Variants in DGKB observed in about 807,000 individuals in gnomAD.
DGKB encodes diacylglycerol kinase beta.
Under a neutral mutation model 114.3 loss-of-function variants are expected in DGKB, and 67 were observed. That is an observed-to-expected ratio of 0.59 (90% CI 0.48 to 0.72). The LOEUF is 0.72. Among genes scored for constraint, DGKB ranks in the 30% least tolerant of loss-of-function variants. The pLI is 0.00. For synonymous variants in DGKB, 398 were observed against 323.1 expected (o/e 1.23, Z -2.49); for missense variants, 907 against 975.2 (o/e 0.93, Z 0.93).
At chr7:14,306,319 T>TA (rs1430234278) in intron 23 of DGKB, among the ~76,000 whole-genome samples, 6 of 151,894 alleles carry the variant, frequency 4.0e-5, no homozygotes, top group Non-Finnish European at 5.9e-5. Flanking sequence ...AGGAACAAAA[T>TA]AAAAAAACAT....
intron 2 of DGKB, among the ~76,000 whole-genome samples, chr7:14,794,613 T>C (rs954564129): frequency 6.6e-6 from 1 of 152,146 alleles, no homozygotes; most frequent in Non-Finnish European, 1.5e-5. Context: ...CTCCTAGAGC[T>C]GCAGGACTGA....
intron 1 of DGKB, among the ~76,000 whole-genome samples, chr7:14,962,630 G>C (rs1022376291): frequency 7.1e-6 from 1 of 140,164 alleles, no homozygotes; most frequent in African/African-American, 2.8e-5. Context: ...GTGTGTGTGT[G>C]TGTGTTTGTG....
chr7:14,338,022 C>G (rs1184804839), intron 23 of DGKB, among the ~76,000 whole-genome samples: 1 of 151,950 alleles, frequency 6.6e-6, no homozygotes, highest in Non-Finnish European at 1.5e-5. Context: ...AGCAGACAAC[C>G]AAAATTTATC....
intron 23 of DGKB, among the ~76,000 whole-genome samples, chr7:14,232,304 A>G (rs886291431): frequency 6.6e-6 from 1 of 151,698 alleles, no homozygotes; most frequent in African/African-American, 2.4e-5. Context: ...TTTAGAATCC[A>G]TATGTCTTTT....
chr7:14,753,850 A>G (rs1834465487), intron 4 of DGKB, 78 bp downstream of exon 4: 2 of 897,282 alleles, frequency 2.2e-6, no homozygotes, highest in South Asian at 2.9e-5. Flanking sequence ...TAGTTCAGTG[A>G]TATGGATGAG....
At chr7:14,548,712 G>A (rs2128636127) in intron 20 of DGKB, among the ~76,000 whole-genome samples, 1 of 152,268 alleles carries the variant, frequency 6.6e-6, no homozygotes, top group South Asian at 2.1e-4. Context: ...CTGGAGCCAT[G>A]ACTAGCTATG....
chr7:14,149,339 A>G (rs1358844432), intron 25 of DGKB, 101 bp from the exon 26 acceptor site: 1 of 791,810 alleles, frequency 1.3e-6, no homozygotes, highest in Non-Finnish European at 2.0e-6. Context: ...ATAATATTTC[A>G]TGAGTGACTG....
intron 1 of DGKB, among the ~76,000 whole-genome samples, chr7:14,918,693 C>T (rs147109399): frequency 6.6e-6 from 1 of 152,048 alleles, no homozygotes; most frequent in Non-Finnish European, 1.5e-5. Context: ...ATCTATATGT[C>T]AACTTGATCT....
chr7:14,615,260 G>A (rs1349083260), intron 15 of DGKB, among the ~76,000 whole-genome samples: 2 of 151,890 alleles, frequency 1.3e-5, no homozygotes, highest in African/African-American at 4.8e-5. Context: ...ATTAGGATGA[G>A]TTTTCCTTTT....
chr7:14,291,395 G>C lies in DGKB; in HGVS notation c.2122+47120C>G, dbSNP rs145630297. Among the ~76,000 whole-genome samples the C allele has an allele frequency of 3.1e-3, 475 of 152,212 alleles. 2 individuals are homozygous for C. The highest frequency in any genetic ancestry group is 0.011 in the African/African-American group (455 of 41,544). On this transcript the variant is annotated intron_variant, in intron 23 of 25. Transcript: ENST00000402815. The stretch of plus-strand genomic sequence containing the variant: ...AAGGGATTTCTTCATTTTTGACCCA[G>C]ATATAGGAAAGAATTTTATTTATGC...
At chr7:14,899,449 C>G (rs1393768957) in intron 1 of DGKB, among the ~76,000 whole-genome samples, 1 of 152,092 alleles carries the variant, frequency 6.6e-6, no homozygotes, top group Non-Finnish European at 1.5e-5. Flanking sequence ...AAGATCTCTA[C>G]CCTACACACA....
At chr7:14,955,555 A>G (rs891467270) in intron 1 of DGKB, among the ~76,000 whole-genome samples, 2 of 152,072 alleles carry the variant, frequency 1.3e-5, no homozygotes, top group African/African-American at 4.8e-5. Context: ...TCTCAGAGAG[A>G]AATAACTAAC....
chr7:14,515,229 T>C (rs1420123640), intron 20 of DGKB, among the ~76,000 whole-genome samples: 1 of 152,170 alleles, frequency 6.6e-6, no homozygotes, highest in African/African-American at 2.4e-5. Context: ...CATCAATATA[T>C]TATTTCATTA....
intron 23 of DGKB, among the ~76,000 whole-genome samples, chr7:14,184,804 G>A (rs1783155256): frequency 6.6e-6 from 1 of 152,122 alleles, no homozygotes; most frequent in Non-Finnish European, 1.5e-5. Context: ...TGCAAAAAAA[G>A]CATTGGATTA....
At chr7:14,439,170 T>G (rs1369118141) in intron 21 of DGKB, among the ~76,000 whole-genome samples, 1 of 152,090 alleles carries the variant, frequency 6.6e-6, no homozygotes, top group Non-Finnish European at 1.5e-5. Context: ...ATCCCCAAAC[T>G]CTCCCCTTTA....
intron 17 of DGKB, among the ~76,000 whole-genome samples, chr7:14,599,510 C>G (rs1803169203): frequency 6.6e-6 from 1 of 152,176 alleles, no homozygotes; most frequent in Admixed American, 6.6e-5. Context: ...GAGCTACCTC[C>G]TCATCTTCAC....
At chr7:14,571,699 T>A (rs1461055754) in intron 20 of DGKB, among the ~76,000 whole-genome samples, 5 of 152,192 alleles carry the variant, frequency 3.3e-5, no homozygotes, top group African/African-American at 1.2e-4. Context: ...AAGGCCAGAT[T>A]ATATTAAAAG....
chr7:14,904,219 TAC>T (rs10624589), upstream of DGKB, among the ~76,000 whole-genome samples: 10 of 150,644 alleles, frequency 6.6e-5, no homozygotes, highest in Non-Finnish European at 7.4e-5. Context: ...CCCTCCTAAA[TAC>T]ACACACACAC....
At chr7:14,701,232 C>G (rs1247297941) in intron 7 of DGKB, among the ~76,000 whole-genome samples, 1 of 152,080 alleles carries the variant, frequency 6.6e-6, no homozygotes, top group Admixed American at 6.5e-5. Flanking sequence ...GCATATAGGA[C>G]AAAAGATACC....
Sources: allele counts gnomAD v4.1 joint callset (sites outside exome capture counted in the v4.1 genomes callset), GRCh38; gene constraint gnomAD v4.1.1; transcripts MANE v1.5; gene names NCBI Gene and HGNC (gene_info 2026-07-23, HGNC 2026-07-21).